PTPRD: variants seen among roughly 807,000 people sequenced by gnomAD.
PTPRD encodes the protein receptor-type tyrosine-protein phosphatase delta.
In PTPRD, 34 loss-of-function variants were observed where a neutral mutation model predicts 214.5. That is an observed-to-expected ratio of 0.16 (90% CI 0.12 to 0.21). The LOEUF is 0.21. Ranked by LOEUF, PTPRD falls within the 10% of genes least tolerant of loss-of-function variation. The probability of loss-of-function intolerance (pLI) is 1.00; values close to 1 mark genes in which losing one functional copy is unlikely to be tolerated. For synonymous variants in PTPRD, 1,128 were observed against 845.7 expected, an observed-to-expected ratio of 1.33 and a Z score of -5.79; for missense variants, 2,545 against 2,398.7, an observed-to-expected ratio of 1.06 and a Z score of -1.27.
At chr9:8,562,896 G>C (rs2087015095) in intron 14 of PTPRD, among the ~76,000 whole-genome samples, 1 of 145,182 alleles carries the variant, frequency 6.9e-6, no homozygotes, top group Non-Finnish European at 1.5e-5. Context: ...TTTACATTTA[G>C]ATCTGTGAGT....
chr9:8,752,637 C>T (rs774558629), intron 11 of PTPRD, among the ~76,000 whole-genome samples: 1 of 152,152 alleles, frequency 6.6e-6, no homozygotes, highest in African/African-American at 2.4e-5. Context: ...TGTAACACCA[C>T]CACCACACAA....
chr9:9,439,639 C>CAG (rs1190803367), intron 8 of PTPRD, among the ~76,000 whole-genome samples: 1 of 152,146 alleles, frequency 6.6e-6, no homozygotes, highest in Non-Finnish European at 1.5e-5. Context: ...AACTGTTCTT[C>CAG]AGATCCCTTA....
At chr9:8,378,203 C>T (rs2083840282) in intron 37 of PTPRD, among the ~76,000 whole-genome samples, 1 of 151,974 alleles carries the variant, frequency 6.6e-6, no homozygotes, top group Admixed American at 6.6e-5. Context: ...ACAAAATAGC[C>T]TTCTGTGTTT....
intron 5 of PTPRD, among the ~76,000 whole-genome samples, chr9:9,776,401 C>T (rs2098799071): frequency 3.3e-5 from 5 of 152,054 alleles, no homozygotes; most frequent in Admixed American, 3.3e-4. Flanking sequence ...TGTTGCTTTA[C>T]TGATCTGTAT....
chr9:9,965,354 G>A (rs62536924), intron 4 of PTPRD, among the ~76,000 whole-genome samples: 186 of 152,160 alleles, frequency 1.2e-3, no homozygotes, highest in Non-Finnish European at 2.0e-3. Context: ...AGAGGAGAAG[G>A]CTTTCAAAAC....
chr9:8,732,891 T>C (rs1238505739), intron 12 of PTPRD, among the ~76,000 whole-genome samples: 1 of 152,198 alleles, frequency 6.6e-6, no homozygotes, highest in Non-Finnish European at 1.5e-5. Context: ...AGAGAAATGT[T>C]AATGACTGCA....
At chr9:8,872,848 T>A (rs2098326058) in intron 11 of PTPRD, among the ~76,000 whole-genome samples, 2 of 152,266 alleles carry the variant, frequency 1.3e-5, no homozygotes, top group African/African-American at 2.4e-5. Context: ...GTTAAGCAAG[T>A]ACATTTCAAT....
At chr9:9,087,334 A>C (rs1469366477) in intron 10 of PTPRD, among the ~76,000 whole-genome samples, 1 of 152,184 alleles carries the variant, frequency 6.6e-6, no homozygotes, top group African/African-American at 2.4e-5. Flanking sequence ...ATAAATCACA[A>C]ATAATAAAAT....
At chr9:10,007,075 G>A (rs527438333) in intron 4 of PTPRD, among the ~76,000 whole-genome samples, 4 of 152,060 alleles carry the variant, frequency 2.6e-5, no homozygotes, top group Admixed American at 2.6e-4. Context: ...TAAGGCAGAA[G>A]TGTTTGTCTC....
intron 6 of PTPRD, among the ~76,000 whole-genome samples, chr9:9,760,647 CACACACATATAT>C (rs1239153796): frequency 7.4e-5 from 7 of 94,330 alleles, no homozygotes; most frequent in African/African-American, 2.3e-4. Context: ...CACACACACA[CACACACATATAT>C]ATATATATTC....
chr9:8,986,160 G>A (rs2099344208), intron 11 of PTPRD, among the ~76,000 whole-genome samples: 1 of 152,060 alleles, frequency 6.6e-6, no homozygotes, highest in Non-Finnish European at 1.5e-5. Context: ...TTTATAGCAT[G>A]AGTTGGGTGC....
intron 2 of PTPRD, among the ~76,000 whole-genome samples, chr9:10,460,624 G>C (rs752048543): frequency 6.6e-6 from 1 of 151,964 alleles, no homozygotes; most frequent in Non-Finnish European, 1.5e-5. Flanking sequence ...CATGAGGAAA[G>C]GACAATGTCT....
chr9:8,341,262 C>T lies in PTPRD; in HGVS notation c.4954G>A (p.Ala1652Thr). The T allele has an allele frequency of 6.3e-7, 1 of 1,588,214 alleles. No homozygotes were observed. Among genetic ancestry groups the T allele is most frequent in the Non-Finnish European group, 8.5e-7 (1 of 1,171,414 alleles). Residue 1652 changes from alanine to threonine, a missense_variant, in exon 41 of 46, where the codon GCC (alanine) becomes ACC (threonine). Physicochemically the swap from Ala to Thr is moderately conservative, Grantham distance 58. Coordinates refer to ENST00000381196, the MANE Select transcript of PTPRD (RefSeq NM_002839.4). ...TGMELEFKRLASSKAHTSRFI... is the reference protein window; with the variant it reads ...TGMELEFKRLTSSKAHTSRFI... Reference sequence around the variant, plus strand: ...CTTGAGGTGTGAGCTTTTGAGCTGGCTAGACGCTGTTGAATAGGAAAAAAA... The same window carrying T: ...CTTGAGGTGTGAGCTTTTGAGCTGGTTAGACGCTGTTGAATAGGAAAAAAA...
intron 9 of PTPRD, among the ~76,000 whole-genome samples, chr9:9,305,646 G>A (rs1399437343): frequency 2.0e-5 from 3 of 152,098 alleles, no homozygotes; most frequent in African/African-American, 7.2e-5. Context: ...AGTCATTGGA[G>A]ATGTAATAAA....
Position 10,036,056 on chromosome 9 carries a change from G to C in PTPRD, c.-544-2266C>G, listed in dbSNP as rs373813974. Reference sequence around the variant, plus strand: ...AGGTCTAAAATAAACTTCACTCTTGGATATTCAACATTGGTATCTGGCAGT... The same window carrying C: ...AGGTCTAAAATAAACTTCACTCTTGCATATTCAACATTGGTATCTGGCAGT... On this transcript the variant is annotated intron_variant, in intron 3 of 45. Transcript: ENST00000381196. Among the ~76,000 whole-genome samples the C allele has an allele frequency of 8.5e-5, 13 of 152,152 alleles. No individual in the cohort carries two copies. The East Asian group carries it at 2.5e-3, about 29-fold the overall frequency.
chr9:10,281,883 T>C (rs2095132551), intron 3 of PTPRD, among the ~76,000 whole-genome samples: 2 of 152,124 alleles, frequency 1.3e-5, no homozygotes, highest in South Asian at 4.1e-4. Context: ...GCATTTATCA[T>C]GTAATACAAA....
At chr9:9,307,961 T>C (rs902564844) in intron 9 of PTPRD, among the ~76,000 whole-genome samples, 4 of 152,136 alleles carry the variant, frequency 2.6e-5, no homozygotes, top group African/African-American at 4.8e-5. Context: ...CGCTGTGTAA[T>C]AGCAGACAAG....
chr9:10,490,287 T>C (rs2039767512), intron 2 of PTPRD, among the ~76,000 whole-genome samples: 1 of 152,196 alleles, frequency 6.6e-6, no homozygotes, highest in Non-Finnish European at 1.5e-5. Flanking sequence ...ATAAAGAGTA[T>C]TTATTTTATA....
At chr9:9,840,740 C>T (rs1016468506) in intron 5 of PTPRD, among the ~76,000 whole-genome samples, 59 of 116,376 alleles carry the variant, frequency 5.1e-4, no homozygotes, top group Admixed American at 2.1e-3. Context: ...TCCAGCCTGG[C>T]GACAGAGCAA....
Sources: allele counts gnomAD v4.1 joint callset (sites outside exome capture counted in the v4.1 genomes callset), GRCh38; gene constraint gnomAD v4.1.1; transcripts MANE v1.5; gene names NCBI Gene and HGNC (gene_info 2026-07-23, HGNC 2026-07-21).